UBE3D: variants seen among roughly 807,000 people sequenced by gnomAD.
The protein encoded by UBE3D is E3 ubiquitin-protein ligase E3D.
A neutral mutation model predicts 49.6 loss-of-function variants in UBE3D; 48 were observed. The observed-to-expected ratio is 0.97, with a 90% confidence interval of 0.77 to 1.23. The LOEUF (loss-of-function observed/expected upper bound fraction) is 1.23. Ranked by LOEUF, UBE3D falls within the 50% of genes most tolerant of loss-of-function variation. The pLI is 0.00. For synonymous variants in UBE3D, 189 were observed against 174.2 expected (o/e 1.08, Z -0.67); for missense variants, 452 against 468.4 (o/e 0.96, Z 0.32).
At chr6:82,980,206 A>G (rs1399998439) in intron 8 of UBE3D, among the ~76,000 whole-genome samples, 1 of 152,122 alleles carries the variant, frequency 6.6e-6, no homozygotes, top group African/African-American at 2.4e-5. Flanking sequence ...TCCTGCCAAC[A>G]TTGTGCAAGT....
chr6:83,002,500 C>A (rs989597811), intron 8 of UBE3D, among the ~76,000 whole-genome samples: 1 of 152,174 alleles, frequency 6.6e-6, no homozygotes, highest in African/African-American at 2.4e-5. Flanking sequence ...ACCTGGCCAA[C>A]CTGATGAAAC....
chr6:82,952,523 C>T (rs1471333994), intron 9 of UBE3D, among the ~76,000 whole-genome samples: 2 of 152,130 alleles, frequency 1.3e-5, no homozygotes, highest in East Asian at 3.9e-4. Flanking sequence ...CTCCAGGGCT[C>T]AAGCAATCCT....
chr6:82,937,734 G>A (rs559682919), intron 9 of UBE3D, among the ~76,000 whole-genome samples: 83 of 152,274 alleles, frequency 5.5e-4, no homozygotes, highest in African/African-American at 1.8e-3. Flanking sequence ...GTCTAAGGGA[G>A]GGTAGAGAAG....
intron 8 of UBE3D, among the ~76,000 whole-genome samples, chr6:83,000,931 G>A (rs1015744047): frequency 6.6e-6 from 1 of 150,678 alleles, no homozygotes; most frequent in African/African-American, 2.5e-5. Flanking sequence ...CGCAACCTCC[G>A]CCTCCTGGGT....
intron 8 of UBE3D, among the ~76,000 whole-genome samples, chr6:82,995,045 G>A (rs1779143708): frequency 6.6e-6 from 1 of 152,074 alleles, no homozygotes; most frequent in South Asian, 2.1e-4. Context: ...GGAAGAAGAA[G>A]GCAGGGAGAA....
intron 5 of UBE3D, among the ~76,000 whole-genome samples, chr6:83,033,270 A>G (rs1782009137): frequency 6.6e-6 from 1 of 152,178 alleles, no homozygotes; most frequent in African/African-American, 2.4e-5. Flanking sequence ...CTGCCCCCTG[A>G]CACAAACACC....
chr6:82,907,533 C>T (rs1192447069), intron 9 of UBE3D, among the ~76,000 whole-genome samples: 2 of 152,004 alleles, frequency 1.3e-5, no homozygotes, highest in Non-Finnish European at 2.9e-5. Flanking sequence ...AACAGGACTC[C>T]TACAATCAAT....
At chr6:83,051,259 C>T (rs1335290498) in intron 3 of UBE3D, among the ~76,000 whole-genome samples, 1 of 152,154 alleles carries the variant, frequency 6.6e-6, no homozygotes, top group African/African-American at 2.4e-5. Context: ...AGCTGGATTT[C>T]AAACCCAGGT....
chr6:83,046,418 AGTATATGCT>A (rs1179659280), intron 3 of UBE3D, among the ~76,000 whole-genome samples: 1 of 152,168 alleles, frequency 6.6e-6, no homozygotes, highest in Non-Finnish European at 1.5e-5. Context: ...CTTTGAAATT[AGTATATGCT>A]GCACCATTGG....
intron 9 of UBE3D, among the ~76,000 whole-genome samples, chr6:82,916,855 C>A (rs1454964834): frequency 6.6e-6 from 1 of 152,124 alleles, no homozygotes; most frequent in Non-Finnish European, 1.5e-5. Context: ...TCAGCTGGAC[C>A]CCCGATACCA....
chr6:83,054,005 T>C, intron 3 of UBE3D, 143 bp downstream of exon 3: 1 of 650,946 alleles, frequency 1.5e-6, no homozygotes, highest in Non-Finnish European at 2.7e-6. Context: ...GTTTTGTGGC[T>C]AATTTTGTTC....
chr6:82,953,529 C>T (rs569323768), intron 9 of UBE3D, among the ~76,000 whole-genome samples: 3 of 152,194 alleles, frequency 2.0e-5, no homozygotes, highest in South Asian at 2.1e-4. Flanking sequence ...GTATACTGTA[C>T]GTACCTCTGT....
At chr6:82,919,872 C>A (rs938568413) in intron 9 of UBE3D, among the ~76,000 whole-genome samples, 1 of 152,066 alleles carries the variant, frequency 6.6e-6, no homozygotes, top group South Asian at 2.1e-4. Context: ...GAAAAACACA[C>A]AGACATTGTG....
chr6:82,950,677 C>T (rs1312424977), intron 9 of UBE3D, among the ~76,000 whole-genome samples: 1 of 152,080 alleles, frequency 6.6e-6, no homozygotes, highest in Non-Finnish European at 1.5e-5. Flanking sequence ...AAACTATTTA[C>T]GAGAGCCAAG....
At chr6:82,917,348 G>A (rs1168653947) in intron 9 of UBE3D, among the ~76,000 whole-genome samples, 1 of 152,080 alleles carries the variant, frequency 6.6e-6, no homozygotes, top group Non-Finnish European at 1.5e-5. Flanking sequence ...ACACCCCAGA[G>A]ACCACCCAAA....
At chr6:83,026,385 A>C (rs1286504078) in intron 5 of UBE3D, among the ~76,000 whole-genome samples, 1 of 152,170 alleles carries the variant, frequency 6.6e-6, no homozygotes, top group Admixed American at 6.5e-5. Context: ...CAGAAGTCTG[A>C]GGCTTCAATG....
intron 9 of UBE3D, among the ~76,000 whole-genome samples, chr6:82,905,732 A>T (rs2127721107): frequency 6.6e-6 from 1 of 152,282 alleles, no homozygotes; most frequent in East Asian, 1.9e-4. Context: ...AAGTCTAGTC[A>T]TCCCAGCAGT....
intron 7 of UBE3D, among the ~76,000 whole-genome samples, chr6:83,020,358 T>TTA (rs1554204660): frequency 8.5e-5 from 12 of 141,830 alleles, no homozygotes; most frequent in Admixed American, 5.8e-4. Flanking sequence ...TTTTTTTTTT[T>TTA]ACAAATAGAC....
intron 8 of UBE3D, among the ~76,000 whole-genome samples, chr6:82,970,629 G>C (rs1412877709): frequency 6.6e-6 from 1 of 152,102 alleles, no homozygotes; most frequent in Non-Finnish European, 1.5e-5. Context: ...CACGAGGTCA[G>C]GAGATCGAGA....
Sources: allele counts gnomAD v4.1 joint callset (sites outside exome capture counted in the v4.1 genomes callset), GRCh38; gene constraint gnomAD v4.1.1; transcripts MANE v1.5; gene names NCBI Gene and HGNC (gene_info 2026-07-23, HGNC 2026-07-21).